The following IGSF3 variants were observed in gnomAD, a reference collection of about 807,000 sequenced individuals.
The protein encoded by IGSF3 is glu-Trp-Ile EWI motif-containing protein 3.
Under a neutral mutation model 114.4 loss-of-function variants are expected in IGSF3, and 23 were observed. That is an observed-to-expected ratio of 0.20 (90% CI 0.14 to 0.28). The LOEUF (loss-of-function observed/expected upper bound fraction) is 0.28. Among genes scored for constraint, IGSF3 ranks in the 10% least tolerant of loss-of-function variants. The pLI is 1.00. For missense variants in IGSF3, 1,172 were observed against 1,591.5 expected (o/e 0.74, Z 4.48); for synonymous variants, 571 against 645.2 (o/e 0.88, Z 1.74).
intron 5 of IGSF3, chr1:116,606,551 G>A (rs774696163): frequency 1.1e-6 from 1 of 876,448 alleles, no homozygotes; most frequent in Non-Finnish European, 2.0e-6. Context: ...CCAGTTATCT[G>A]CTGGAAAAGC....
chr1:116,619,751 G>C (rs1306669683), intron 2 of IGSF3, among the ~76,000 whole-genome samples: 1 of 151,464 alleles, frequency 6.6e-6, no homozygotes, highest in African/African-American at 2.4e-5. Context: ...ACAATAGAAA[G>C]TTCCTCCCAG....
rs778202749 is a variant in IGSF3, at chr1:116,598,903, G to A, written c.2029+1038C>T. ...GTCAGCTGAAGAGCCTGATGAAGGC[G>A]AGAGTGTTTGCAGAAAGCCCCACTG... On this transcript the variant is annotated intron_variant, in intron 7 of 10. Coordinates refer to ENST00000369486, the MANE Select transcript of IGSF3 (RefSeq NM_001007237.3). The surrounding 1 kb of genome is among the most constrained non-coding windows in gnomAD (Gnocchi z 4.3). Among the ~76,000 whole-genome samples the A allele has an allele frequency of 3.3e-5, 5 of 152,220 alleles. No homozygotes were observed. The highest frequency in any genetic ancestry group is 5.9e-5 in the Non-Finnish European group (4 of 68,036).
rs1036784750 is a variant in IGSF3, at chr1:116,588,313, T to A, written c.2440+381A>T. Among the ~76,000 whole-genome samples, 4 of 152,092 alleles carry A rather than the reference T, an allele frequency of 2.6e-5. No individual in the cohort carries two copies. The highest frequency in any genetic ancestry group is 9.7e-5 in the African/African-American group (4 of 41,416). ...ATAAAACCAGAAAATGCCTTCTAGG[T>A]AGGAACTCTGGGTGTGGAGCTGGTG... On this transcript the variant is annotated intron_variant, in intron 8 of 10. Transcript: ENST00000369486. The surrounding 1 kb of genome is among the most constrained non-coding windows in gnomAD (Gnocchi z 4.9).
rs1041075842 is a variant in IGSF3, at chr1:116,596,413, T to C, written c.2029+3528A>G. ...AGAGCAAAAGAAGAGAGGACAGCGC[T>C]GGTTCGGAGCTCTGGTATCCGCAAG... On this transcript the variant is annotated intron_variant, in intron 7 of 10. Coordinates refer to ENST00000369486, the MANE Select transcript of IGSF3 (RefSeq NM_001007237.3). The surrounding 1 kb of genome is among the most constrained non-coding windows in gnomAD (Gnocchi z 4.1). Among the ~76,000 whole-genome samples, 3 of 152,206 alleles carry C rather than the reference T, an allele frequency of 2.0e-5. No homozygotes were observed. The highest frequency in any genetic ancestry group is 4.4e-5 in the Non-Finnish European group (3 of 68,040).
rs1557859246 is a variant in IGSF3 at position 116,589,155 on chromosome 1, G to A, written c.2030-51C>T. ...ATCACCACAGACTCCCAGAAACGTG[G>A]CCCATCCACCTCCAGGCTCTGAGCC... is the stretch of plus-strand genomic sequence containing the variant. On this transcript the variant is annotated intron_variant, in intron 7 of 10. Coordinates refer to ENST00000369486, the MANE Select transcript of IGSF3 (RefSeq NM_001007237.3). The surrounding 1 kb of genome is among the most constrained non-coding windows in gnomAD (Gnocchi z 5.7). 2.0e-5 allele frequency: 30 copies of A among 1,534,538 alleles called. No homozygotes were observed. Among genetic ancestry groups the A allele is most frequent in the Non-Finnish European group, 2.7e-5 (30 of 1,123,120 alleles).
In IGSF3 at chr1:116,583,990, A is replaced by C. The variant is rs906766135; in HGVS notation, c.2848+655T>G. Among the ~76,000 whole-genome samples, 4 of 152,174 alleles carry C rather than the reference A, an allele frequency of 2.6e-5. No individual in the cohort carries two copies. Among genetic ancestry groups the C allele is most frequent in the Admixed American group, 2.6e-4 (4 of 15,280 alleles). ...GGGGTCACGAGGTCAGGAGATCGAG[A>C]CCAGCTTGGCCAACATGATGAAACC... On this transcript the variant is annotated intron_variant, in intron 9 of 10. Transcript: ENST00000369486. The surrounding 1 kb of genome is among the most constrained non-coding windows in gnomAD (Gnocchi z 4.5).
intron 2 of IGSF3, among the ~76,000 whole-genome samples, chr1:116,626,252 T>TA (rs146223155): frequency 0.038 from 5,688 of 149,482 alleles, 333 homozygotes; most frequent in African/African-American, 0.13. Flanking sequence ...TCTCCAGACT[T>TA]AAAAAAAAAA....
chr1:116,628,316 C>T lies in IGSF3; in HGVS notation c.44-11859G>A, dbSNP rs1315386414. On this transcript the variant is annotated intron_variant, in intron 2 of 10. Transcript: ENST00000369486. This position sits in a 1 kb window ranked among gnomAD's most constrained non-coding sequence, Gnocchi z 4.2. ...TAGTTTCTGTGCTCCAAATACTCAG[C>T]TTACACATGCCTGTTGCTGCTGCAC... is the stretch of plus-strand genomic sequence containing the variant. 6.6e-6 allele frequency among the ~76,000 whole-genome samples: 1 copy of T among 152,220 alleles called. No individual in the cohort carries two copies. The highest frequency in any genetic ancestry group is 1.5e-5 in the Non-Finnish European group (1 of 68,052).
chr1:116,617,398 T>C (rs1176657407), intron 2 of IGSF3: 2 of 984,680 alleles, frequency 2.0e-6, no homozygotes, highest in Admixed American at 6.1e-5. Context: ...GCCTCTTCAT[T>C]TCGGCAGTGG....
In IGSF3 at chr1:116,576,910, G is replaced by C. The variant is rs555550577; in HGVS notation, c.*402C>G. On this transcript the variant is annotated 3_prime_UTR_variant, in exon 11 of 11. Coordinates refer to ENST00000369486, the MANE Select transcript of IGSF3 (RefSeq NM_001007237.3). This position sits in a 1 kb window ranked among gnomAD's most constrained non-coding sequence, Gnocchi z 4.6. Reference sequence around the variant, plus strand: ...TCCTTTTGCTGTCAGTTGTACGTAAGAGAAATTCGTCCACATTAAGGAATC... The same window carrying C: ...TCCTTTTGCTGTCAGTTGTACGTAACAGAAATTCGTCCACATTAAGGAATC... The C allele has an allele frequency of 5.0e-5, 8 of 160,472 alleles. No individual in the cohort carries two copies. The South Asian group carries it at 1.5e-3, about 30-fold the overall frequency. 9.9% of individuals were successfully genotyped at this position (160,472 alleles called of 1,614,324 possible).
rs1485460936 is a variant in IGSF3, at chr1:116,651,037, G to A, written c.43+15247C>T. Among the ~76,000 whole-genome samples, 1 of 152,198 alleles carries A rather than the reference G, an allele frequency of 6.6e-6. No homozygotes were observed. The highest frequency in any genetic ancestry group is 6.5e-5 in the Admixed American group (1 of 15,288). ...TGCCTCTGAGGACCAGTGGTCTACA[G>A]TCCAGCCCACAACCCTTCAGACAGA... On this transcript the variant is annotated intron_variant, in intron 2 of 10. Coordinates refer to ENST00000369486, the MANE Select transcript of IGSF3 (RefSeq NM_001007237.3). This position sits in a 1 kb window ranked among gnomAD's most constrained non-coding sequence, Gnocchi z 4.4.
At chr1:116,608,419 T>G in intron 4 of IGSF3, 88 bp from the exon 5 acceptor site, 1 of 918,492 alleles carries the variant, frequency 1.1e-6, no homozygotes, top group South Asian at 1.7e-5. Context: ...CCACTATCCT[T>G]CCTCTTCTTT....
At position 116,666,298 on chromosome 1, in the gene IGSF3, C is replaced by G. The variant is rs1253750954; in HGVS notation, c.29G>C (p.Cys10Ser). The change falls in exon 2 of 11, where the codon TGT (cysteine) becomes TCT (serine). Residue 10 changes from cysteine to serine, a missense_variant. By Grantham distance (112) the Cys-to-Ser change is moderately radical. Transcript: ENST00000369486. Reference sequence around the variant, plus strand: ...GAGCCACTTACCCAGCACAGCCAGACAGCTCAGCACCGGGAAAAAGCACTT... The same window carrying G: ...GAGCCACTTACCCAGCACAGCCAGAGAGCTCAGCACCGGGAAAAAGCACTT... MKCFFPVLS[C>S]LAVLGVVSAQ... 3 of 1,614,138 alleles carry G rather than the reference C, an allele frequency of 1.9e-6. No individual in the cohort carries two copies. The highest frequency in any genetic ancestry group is 4.5e-5 in the East Asian group (2 of 44,890).
chr1:116,578,639 A>C (rs1297125570), intron 10 of IGSF3, among the ~76,000 whole-genome samples: 1 of 152,250 alleles, frequency 6.6e-6, no homozygotes. Context: ...AAAGAAGTTA[A>C]AAATTCCAGC....
chr1:116,643,007 C>G (rs1648177810), intron 2 of IGSF3, among the ~76,000 whole-genome samples: 1 of 152,228 alleles, frequency 6.6e-6, no homozygotes, highest in African/African-American at 2.4e-5. Context: ...CAGGGATCCA[C>G]CATCCAGGAA....
rs1299828621 is a variant in IGSF3, at chr1:116,592,502, T to C, written c.2030-3398A>G. 6.6e-6 allele frequency among the ~76,000 whole-genome samples: 1 copy of C among 152,142 alleles called. No individual in the cohort carries two copies. Among genetic ancestry groups the C allele is most frequent in the African/African-American group, 2.4e-5 (1 of 41,412 alleles). On this transcript the variant is annotated intron_variant, in intron 7 of 10. Coordinates refer to ENST00000369486, the MANE Select transcript of IGSF3 (RefSeq NM_001007237.3). The surrounding 1 kb of genome is among the most constrained non-coding windows in gnomAD (Gnocchi z 4.5). ...AGGCTTGTGATTAAAACTTGGAAGA[T>C]CTGTGTTTTGTATGGTAGGAGAGGC...
chr1:116,602,832 T>A (rs1660646544), intron 6 of IGSF3, among the ~76,000 whole-genome samples: 1 of 152,236 alleles, frequency 6.6e-6, no homozygotes, highest in African/African-American at 2.4e-5. Context: ...ATAGACTGAT[T>A]ATATCCAGGC....
rs1460381527 is a variant in IGSF3 at position 116,607,913 on chromosome 1, A to G, written c.1222+29T>C. The G allele has an allele frequency of 6.2e-7, 1 of 1,605,906 alleles. No homozygotes were observed. Among genetic ancestry groups the G allele is most frequent in the South Asian group, 1.1e-5 (1 of 90,226 alleles). ...CTCCTAAATGATGCTGAGCCAAAGGAGAAGAAAGCAGCACATCTCTCTACT... is the reference window on the plus strand; with the variant it reads ...CTCCTAAATGATGCTGAGCCAAAGGGGAAGAAAGCAGCACATCTCTCTACT... On this transcript the variant is annotated intron_variant, in intron 5 of 10. Coordinates refer to ENST00000369486, the MANE Select transcript of IGSF3 (RefSeq NM_001007237.3). This position sits in a 1 kb window ranked among gnomAD's most constrained non-coding sequence, Gnocchi z 6.1.
At position 116,628,966 on chromosome 1, in the gene IGSF3, T is replaced by C. The variant is rs1166383627; in HGVS notation, c.44-12509A>G. 3.3e-5 allele frequency among the ~76,000 whole-genome samples: 5 copies of C among 152,214 alleles called. No homozygotes were observed. The highest frequency in any genetic ancestry group is 1.2e-4 in the African/African-American group (5 of 41,440). On this transcript the variant is annotated intron_variant, in intron 2 of 10. Coordinates refer to ENST00000369486, the MANE Select transcript of IGSF3 (RefSeq NM_001007237.3). The surrounding 1 kb of genome is among the most constrained non-coding windows in gnomAD (Gnocchi z 4.2). Reference sequence around the variant, plus strand: ...GAACTGTGGAAGTAGAGACTAATTCTGCAGCAGCCCAGAGAAGACAACTGG... The same window carrying C: ...GAACTGTGGAAGTAGAGACTAATTCCGCAGCAGCCCAGAGAAGACAACTGG...
Sources: allele counts gnomAD v4.1 joint callset (sites outside exome capture counted in the v4.1 genomes callset), GRCh38; gene constraint gnomAD v4.1.1; non-coding constraint Gnocchi (gnomAD v3.1); transcripts MANE v1.5; gene names NCBI Gene and HGNC (gene_info 2026-07-23, HGNC 2026-07-21).